Variants in NKAIN3 observed in about 807,000 individuals in gnomAD.
NKAIN3 encodes the protein sodium/potassium-transporting ATPase subunit beta-1-interacting protein 3.
In NKAIN3, 25 loss-of-function variants were observed where a neutral mutation model predicts 30.2. The observed-to-expected ratio is 0.83, with a 90% CI of 0.60 to 1.16. NKAIN3 has a LOEUF of 1.16. NKAIN3 is among the 50% of genes most tolerant of loss of function. NKAIN3 has a pLI of 0.00. For synonymous variants in NKAIN3, 91 were observed against 89.6 expected (o/e 1.02, Z -0.09); for missense variants, 225 against 254.1 (o/e 0.89, Z 0.78).
chr8:62,495,972 T>C (rs1289005415), intron 1 of NKAIN3, among the ~76,000 whole-genome samples: 1 of 152,108 alleles, frequency 6.6e-6, no homozygotes, highest in Non-Finnish European at 1.5e-5. Context: ...CCACAATTTG[T>C]CCCCACTGAA....
intron 4 of NKAIN3, chr8:62,855,550 C>G: frequency 6.5e-7 from 1 of 1,528,446 alleles, no homozygotes; most frequent in Non-Finnish European, 9.1e-7. Flanking sequence ...ACTCAACCAC[C>G]AGGGAGTCCA....
rs1309204434 is a variant in NKAIN3, at chr8:62,937,835, T to C, written c.533-16067T>C. On this transcript the variant is annotated intron_variant, in intron 5 of 6. Coordinates refer to ENST00000623646, the MANE Select transcript of NKAIN3 (RefSeq NM_001304533.3). ...TTCTCAGCCTTGCTTACTGGTTGCG[T>C]GGAAATAAATTTGGTGCTATTGGGG... 3.9e-5 allele frequency among the ~76,000 whole-genome samples: 6 copies of C among 152,142 alleles called. No homozygotes were observed. In the South Asian group the frequency reaches 8.3e-4, roughly 21 times the overall value.
At chr8:62,575,463 G>A (rs1478926905) in intron 1 of NKAIN3, among the ~76,000 whole-genome samples, 1 of 152,046 alleles carries the variant, frequency 6.6e-6, no homozygotes, top group African/African-American at 2.4e-5. Flanking sequence ...GAAATTTTAA[G>A]AGGACACCAA....
rs1209409584 is a variant in NKAIN3 at position 62,977,708 on chromosome 8, T to C, written c.*12301T>C. On this transcript the variant is annotated 3_prime_UTR_variant, in exon 7 of 7. Coordinates refer to ENST00000623646, the MANE Select transcript of NKAIN3 (RefSeq NM_001304533.3). ...TATTACCCATCTTCTGAAGCTTACT[T>C]CTGTCAATTTGTCAAACACATTCTC... Among the ~76,000 whole-genome samples, 5 of 151,892 alleles carry C rather than the reference T, an allele frequency of 3.3e-5. No homozygotes were observed. The highest frequency in any genetic ancestry group is 3.3e-4 in the Admixed American group (5 of 15,246).
At chr8:62,924,488 T>C (rs1191394244) in intron 5 of NKAIN3, among the ~76,000 whole-genome samples, 2 of 152,204 alleles carry the variant, frequency 1.3e-5, no homozygotes, top group Non-Finnish European at 2.9e-5. Flanking sequence ...TATGAACAAA[T>C]GGACTCAGTA....
intron 6 of NKAIN3, among the ~76,000 whole-genome samples, chr8:62,965,044 C>T (rs1823670057): frequency 6.6e-6 from 1 of 152,112 alleles, no homozygotes; most frequent in African/African-American, 2.4e-5. Flanking sequence ...AGTTTGCGCA[C>T]ACAACACTAC....
At chr8:62,938,690 C>T (rs1018190744) in intron 5 of NKAIN3, among the ~76,000 whole-genome samples, 26 of 152,226 alleles carry the variant, frequency 1.7e-4, no homozygotes, top group Non-Finnish European at 2.9e-4. Context: ...CCCACCCCTA[C>T]GGGAAGAGGG....
intron 3 of NKAIN3, among the ~76,000 whole-genome samples, chr8:62,725,287 T>G (rs180800085): frequency 6.6e-6 from 1 of 152,276 alleles, no homozygotes; most frequent in East Asian, 1.9e-4. Context: ...ATTAATCAGA[T>G]AGATAGTTTG....
intron 5 of NKAIN3, among the ~76,000 whole-genome samples, chr8:62,929,780 C>CCAGG (rs1822563126): frequency 6.6e-6 from 1 of 151,980 alleles, no homozygotes; most frequent in African/African-American, 2.4e-5. Flanking sequence ...CACATGCAGC[C>CCAGG]CAGGGTGACT....
At chr8:62,838,721 T>G (rs1275704378) in intron 4 of NKAIN3, among the ~76,000 whole-genome samples, 1 of 152,088 alleles carries the variant, frequency 6.6e-6, no homozygotes, top group Non-Finnish European at 1.5e-5. Flanking sequence ...GTATCTTAAC[T>G]TCCACAAAAT....
intron 1 of NKAIN3, among the ~76,000 whole-genome samples, chr8:62,302,498 A>G (rs1814083208): frequency 6.6e-6 from 1 of 152,060 alleles, no homozygotes; most frequent in Non-Finnish European, 1.5e-5. Flanking sequence ...CAGTATAAAC[A>G]TTAATTTAAA....
intron 6 of NKAIN3, among the ~76,000 whole-genome samples, chr8:62,962,194 A>T (rs1180581722): frequency 6.6e-6 from 1 of 152,242 alleles, no homozygotes; most frequent in Non-Finnish European, 1.5e-5. Context: ...AGAAATAGAA[A>T]GAAAAAAGAC....
chr8:62,643,365 G>C (rs1812364023), intron 3 of NKAIN3, among the ~76,000 whole-genome samples: 1 of 152,142 alleles, frequency 6.6e-6, no homozygotes, highest in Non-Finnish European at 1.5e-5. Context: ...CCCAAAGGAG[G>C]AGTTGGCAAC....
intron 1 of NKAIN3, among the ~76,000 whole-genome samples, chr8:62,558,661 A>G (rs189556799): frequency 3.3e-5 from 5 of 151,794 alleles, no homozygotes; most frequent in Admixed American, 3.3e-4. Context: ...AATTTTCTCT[A>G]TTGTTTTTTT....
In NKAIN3 at chr8:62,733,006, GT is replaced by G. The variant is rs201463424; in HGVS notation, c.274-13919del. On this transcript the variant is annotated intron_variant, in intron 3 of 6. Transcript: ENST00000623646. ...CTTTCTATTCATTGTGATTTTTAAT[GT>G]TTTTTTATTCCTGACACTATCATTA... Among the ~76,000 whole-genome samples, 239 of 151,886 alleles carry G rather than the reference GT, an allele frequency of 1.6e-3. 3 individuals are homozygous for G. The East Asian group carries it at 0.038, about 24-fold the overall frequency.
chr8:62,257,563 A>T (rs1335292561), intron 1 of NKAIN3, among the ~76,000 whole-genome samples: 3 of 152,220 alleles, frequency 2.0e-5, no homozygotes, highest in Non-Finnish European at 4.4e-5. Context: ...CTTCAAAAAA[A>T]ATAATGTCTC....
chr8:62,877,718 G>A (rs1458212592), intron 4 of NKAIN3, among the ~76,000 whole-genome samples: 3 of 152,102 alleles, frequency 2.0e-5, no homozygotes, highest in Non-Finnish European at 4.4e-5. Flanking sequence ...ATTTTCATAT[G>A]AATTGATAGT....
Position 62,645,432 on chromosome 8 carries a change from G to A in NKAIN3, c.273+55638G>A, listed in dbSNP as rs551475714. ...ATGAAGTCATACTGCTTTTGGAAAG[G>A]GATAGATGTAGGGAGAATACTCAGT... On this transcript the variant is annotated intron_variant, in intron 3 of 6. Coordinates refer to ENST00000623646, the MANE Select transcript of NKAIN3 (RefSeq NM_001304533.3). Among the ~76,000 whole-genome samples, 15 of 152,184 alleles carry A rather than the reference G, an allele frequency of 9.9e-5. No homozygotes were observed. In the South Asian group the frequency reaches 2.5e-3, roughly 25 times the overall value.
chr8:62,276,266 A>T (rs368444515), intron 1 of NKAIN3, among the ~76,000 whole-genome samples: 1 of 152,066 alleles, frequency 6.6e-6, no homozygotes, highest in African/African-American at 2.4e-5. Context: ...GGATTTCACC[A>T]TATTGGCTAG....
Sources: allele counts gnomAD v4.1 joint callset (sites outside exome capture counted in the v4.1 genomes callset), GRCh38; gene constraint gnomAD v4.1.1; transcripts MANE v1.5; gene names NCBI Gene and HGNC (gene_info 2026-07-23, HGNC 2026-07-21).